EPG5: variants seen among roughly 807,000 people sequenced by gnomAD.
The protein encoded by EPG5 is ectopic P granules protein 5 homolog.
EPG5 carries 159 observed loss-of-function variants against 302.7 expected under a neutral mutation model. The observed-to-expected ratio is 0.53, with a 90% CI of 0.46 to 0.60. EPG5 has a LOEUF of 0.60. EPG5 is among the 20% of genes least tolerant of loss of function. EPG5 has a pLI of 0.00. For synonymous variants in EPG5, 1,158 were observed against 1,136.8 expected, an observed-to-expected ratio of 1.02 and a Z score of -0.37; for missense variants, 2,896 against 3,092.4, an observed-to-expected ratio of 0.94 and a Z score of 1.51.
Position 45,929,273 on chromosome 18 carries a change from C to T in EPG5, c.2413-264G>A, listed in dbSNP as rs28438661. Among the ~76,000 whole-genome samples, 5,341 of 152,124 alleles carry T rather than the reference C, an allele frequency of 0.035. 270 individuals are homozygous for T. The highest frequency in any genetic ancestry group is 0.12 in the African/African-American group (4,850 of 41,458). On this transcript the variant is annotated intron_variant, in intron 12 of 43. Transcript: ENST00000282041. ...TCAAAAAGTATATCCCAAAGTCTGT[C>T]GGTAACAATAAAATGGTTCCTGCAG...
rs1010888402 is a variant in EPG5, at chr18:45,929,128, CTA to C, written c.2413-121_2413-120del. On this transcript the variant is annotated intron_variant, in intron 12 of 43. Coordinates refer to ENST00000282041, the MANE Select transcript of EPG5 (RefSeq NM_020964.3). ...ATCTTACATTGAGCCTTAATTGACA[CTA>C]TGTTCCAAAAAATGTTAAAACTTCA... 2.9e-6 allele frequency: 3 copies of C among 1,018,916 alleles called. No homozygotes were observed. The African/African-American group carries it at 4.9e-5, about 17-fold the overall frequency. The allele number at this position is 1,018,916 out of a possible 1,614,324, so 63.1% of individuals were successfully genotyped here. A position where few individuals can be genotyped will look rare whatever the true frequency, so the allele number is the denominator to read the frequency against.
rs1315578420 is a variant in EPG5 at position 45,922,581 on chromosome 18, A to T, written c.2858T>A (p.Ile953Asn). The change falls in exon 16 of 44, where the codon ATT becomes AAT. Residue 953 changes from isoleucine (I) to asparagine (N), a missense_variant. Coordinates refer to ENST00000282041, the MANE Select transcript of EPG5 (RefSeq NM_020964.3). ...CTCGGGTGTCTCTCCATATCGAACA[A>T]TACTGGCCAAATATGAAACCTAAAA... ...SMKQVSYLASIVRYGETPETS... is the reference protein window; with the variant it reads ...SMKQVSYLASNVRYGETPETS... 1 of 1,614,074 alleles carries T rather than the reference A, an allele frequency of 6.2e-7. No homozygotes were observed. Among genetic ancestry groups the T allele is most frequent in the Non-Finnish European group, 8.5e-7 (1 of 1,179,952 alleles).
At chr18:45,945,391 A>G (rs923503004) in intron 7 of EPG5, among the ~76,000 whole-genome samples, 8 of 152,182 alleles carry the variant, frequency 5.3e-5, no homozygotes, top group Non-Finnish European at 1.0e-4. Flanking sequence ...TGATGTGGAT[A>G]ATTCAGAGTG....
chr18:45,840,443 G>A, the EPG5 span, among the ~76,000 whole-genome samples: 316 of 152,206 alleles, frequency 2.1e-3, 2 homozygotes, highest in African/African-American at 7.2e-3. Context: ...ACCAAGCCTC[G>A]CTGACCTGCT....
chr18:45,951,034 T>C (rs1438995957), intron 4 of EPG5, 68 bp downstream of exon 4: 1 of 1,271,176 alleles, frequency 7.9e-7, no homozygotes, highest in Non-Finnish European at 1.0e-6. Flanking sequence ...TGTAATGATA[T>C]AACAGATAAT....
the EPG5 span, among the ~76,000 whole-genome samples, chr18:45,819,013 C>T: frequency 1.3e-5 from 2 of 152,076 alleles, no homozygotes; most frequent in African/African-American, 4.8e-5. Context: ...AGATTACAGG[C>T]GTGAGCCACC....
intron 25 of EPG5, among the ~76,000 whole-genome samples, chr18:45,903,484 A>C (rs1222848605): frequency 6.6e-6 from 1 of 152,192 alleles, no homozygotes; most frequent in Non-Finnish European, 1.5e-5. Flanking sequence ...CTTACACTAT[A>C]TATTGTAATA....
At position 45,867,639 on chromosome 18, in the gene EPG5, T is replaced by G; in HGVS notation, c.6335A>C (p.Glu2112Ala). The change falls in exon 37 of 44, where the codon GAA becomes GCA. Residue 2112 changes from glutamate to alanine, a missense_variant. Glu to Ala is a moderately radical substitution (Grantham distance 107). Around this residue, in one of 5 missense-constraint regions of EPG5, gnomAD observed 620 missense variants for 704.2 expected, o/e 0.88. Transcript: ENST00000282041. ...GAGGCAGACAATCATGCTGCGGGTT[T>G]CTGGGTGGGGACTGGAATTCCAGGC... Reference protein sequence around the residue: ...SDAWNSSPHPETRSMIVCLLF... With the variant: ...SDAWNSSPHPATRSMIVCLLF... 1 of 1,614,138 alleles carries G rather than the reference T, an allele frequency of 6.2e-7. No homozygotes were observed. The highest frequency in any genetic ancestry group is 8.5e-7 in the Non-Finnish European group (1 of 1,180,006).
In EPG5 at chr18:45,914,149, A is replaced by G. The variant is rs9959151; in HGVS notation, c.3694-321T>C. ...GGACCAGACAGGGGCTCTGTCTTTAAGAAGTCTTCCATCTACTGGAGTAGA... is the reference window on the plus strand; with the variant it reads ...GGACCAGACAGGGGCTCTGTCTTTAGGAAGTCTTCCATCTACTGGAGTAGA... On this transcript the variant is annotated intron_variant, in intron 20 of 43. Coordinates refer to ENST00000282041, the MANE Select transcript of EPG5 (RefSeq NM_020964.3). 0.032 allele frequency among the ~76,000 whole-genome samples: 4,909 copies of G among 152,318 alleles called. 231 individuals carry two copies. Among genetic ancestry groups the G allele is most frequent in the African/African-American group, 0.11 (4,441 of 41,548 alleles).
chr18:45,952,049 G>T (rs552081995), intron 3 of EPG5, among the ~76,000 whole-genome samples: 105 of 152,172 alleles, frequency 6.9e-4, no homozygotes, highest in Non-Finnish European at 1.3e-3. Flanking sequence ...AAGAGATAAA[G>T]GGTGAAGAAG....
At chr18:45,876,862 C>T (rs866714663) in intron 34 of EPG5, among the ~76,000 whole-genome samples, 1 of 152,066 alleles carries the variant, frequency 6.6e-6, no homozygotes, top group Middle Eastern at 3.2e-3. Context: ...TGGCTCACTG[C>T]AACCTTCACC....
chr18:45,945,845 G>A (rs12604430), intron 7 of EPG5, among the ~76,000 whole-genome samples: 18,919 of 152,158 alleles, frequency 0.12, 1,655 homozygotes, highest in East Asian at 0.29. Flanking sequence ...AAAAACGACT[G>A]TGAAGGGGGC....
rs556382012 is a variant in EPG5, at chr18:45,873,382, C to T, written c.6050-2640G>A. On this transcript the variant is annotated intron_variant, in intron 35 of 43. Coordinates refer to ENST00000282041, the MANE Select transcript of EPG5 (RefSeq NM_020964.3). Reference sequence around the variant, plus strand: ...AAAATCAGCCGGGTGTGGTGGCGGGCGCCTGTAGTCCCAGCTACTCGGGAG... The same window carrying T: ...AAAATCAGCCGGGTGTGGTGGCGGGTGCCTGTAGTCCCAGCTACTCGGGAG... 3.8e-3 allele frequency among the ~76,000 whole-genome samples: 579 copies of T among 152,022 alleles called. 2 individuals are homozygous for T. The highest frequency in any genetic ancestry group is 6.8e-3 in the Middle Eastern group (2 of 294).
At chr18:45,881,162 T>C (rs147129774) in intron 31 of EPG5, among the ~76,000 whole-genome samples, 75 of 152,336 alleles carry the variant, frequency 4.9e-4, no homozygotes, top group African/African-American at 1.7e-3. Context: ...TATCATATTG[T>C]TATTCTTAAG....
chr18:45,922,397 T>C lies in EPG5; in HGVS notation c.3042A>G (p.Lys1014=), dbSNP rs1340352473. The C allele has an allele frequency of 6.2e-7, 1 of 1,614,104 alleles. No homozygotes were observed. Among genetic ancestry groups the C allele is most frequent in the African/African-American group, 1.3e-5 (1 of 74,932 alleles). Residue 1014 remains lysine, a synonymous_variant, in exon 16 of 44, where the codon AAA becomes AAG. Coordinates refer to ENST00000282041, the MANE Select transcript of EPG5 (RefSeq NM_020964.3). The part of the protein sequence containing the change: ...PTFHPLLKAV[K]AGMPIGCYLA... ...GATAACAGCCAATGGGCATGCCCGC[T>C]TTCACAGCCTTCAAGAGAGGATGAA...
chr18:45,916,608 T>A (rs757782773), intron 17 of EPG5, 26 bp from the exon 18 acceptor site: 11 of 1,573,326 alleles, frequency 7.0e-6, no homozygotes. Flanking sequence ...GAGGACGCAC[T>A]TTACCTTCCG....
the EPG5 span, among the ~76,000 whole-genome samples, chr18:45,811,071 A>G: frequency 6.6e-6 from 1 of 152,310 alleles, no homozygotes; most frequent in East Asian, 1.9e-4. Context: ...CTGAATGGGA[A>G]AAAGTTGAAA....
intron 21 of EPG5, 75 bp from the exon 22 acceptor site, chr18:45,912,531 C>A: frequency 7.6e-7 from 1 of 1,317,944 alleles, no homozygotes; most frequent in Non-Finnish European, 1.0e-6. Context: ...CTAAGTGATC[C>A]AACTGAAACA....
chr18:45,934,964 A>C lies in EPG5; in HGVS notation c.2102T>G (p.Leu701Arg). Residue 701 changes from leucine to arginine, a missense_variant and splice_region_variant, in exon 11 of 44, where the codon CTT becomes CGT. Physicochemically the swap from Leu to Arg is moderately radical, Grantham distance 102. Transcript: ENST00000282041. ...AVLHVLKAKR[L>R]GIWLFMSEMP... ...CTCGGACATAAACAGCCAAATGCCA[A>C]GTCTGCATGTAAGCAGGAATCATTT... 1 of 1,608,280 alleles carries C rather than the reference A, an allele frequency of 6.2e-7. No individual in the cohort carries two copies. Among genetic ancestry groups the C allele is most frequent in the Non-Finnish European group, 8.5e-7 (1 of 1,178,038 alleles).
Sources: allele counts gnomAD v4.1 joint callset (sites outside exome capture counted in the v4.1 genomes callset), GRCh38; gene constraint gnomAD v4.1.1; regional missense constraint gnomAD v4.1.1; transcripts MANE v1.5; gene names NCBI Gene and HGNC (gene_info 2026-07-23, HGNC 2026-07-21).